The following KCTD1 variants were observed in gnomAD, a reference collection of about 807,000 sequenced individuals.
The protein encoded by KCTD1 is potassium channel tetramerization domain containing 1.
A neutral mutation model predicts 66.0 loss-of-function variants in KCTD1; 24 were observed. The ratio of observed to expected loss-of-function variants is 0.36; its 90% CI spans 0.26 to 0.51. The LOEUF (loss-of-function observed/expected upper bound fraction) is 0.51, where lower values mean the gene tolerates loss of function less well. Ranked by LOEUF, KCTD1 falls within the 20% of genes least tolerant of loss-of-function variation. The probability of loss-of-function intolerance (pLI) is 0.95; values close to 1 mark genes in which losing one functional copy is unlikely to be tolerated. For missense variants in KCTD1, 943 were observed against 1,205.2 expected (o/e 0.78, Z 3.22); for synonymous variants, 511 against 517.2 (o/e 0.99, Z 0.16).
intron 1 of KCTD1, among the ~76,000 whole-genome samples, chr18:26,615,940 G>A (rs991724434): frequency 8.6e-5 from 13 of 151,914 alleles, no homozygotes; most frequent in East Asian, 1.9e-4. Flanking sequence ...ACAGGTGTCC[G>A]CCACCACGCC....
At chr18:26,607,304 T>C (rs773211911) in intron 1 of KCTD1, among the ~76,000 whole-genome samples, 1 of 152,230 alleles carries the variant, frequency 6.6e-6, no homozygotes, top group Non-Finnish European at 1.5e-5. Context: ...TAATTGGGAT[T>C]ACAGGCATGA....
chr18:26,632,608 G>A (rs1209074006), upstream of KCTD1, among the ~76,000 whole-genome samples: 2 of 152,112 alleles, frequency 1.3e-5, no homozygotes, highest in Non-Finnish European at 2.9e-5. Flanking sequence ...ATTAGTAAGA[G>A]AATACAAGAG....
At position 26,649,918 on chromosome 18, in the gene KCTD1, T is replaced by A. The variant is rs148290125; in HGVS notation, c.9+7442A>T. On this transcript the variant is annotated intron_variant, in intron 1 of 4. Transcript: ENST00000580191. ...ACTGCCATCTGCTGGATGGAATGGG[T>A]ATCAGACCGGGTCCCGTGTTTCTTC... is the stretch of plus-strand genomic sequence containing the variant. Among the ~76,000 whole-genome samples the A allele has an allele frequency of 2.4e-3, 365 of 152,258 alleles. 1 individual carries two copies. Among genetic ancestry groups the A allele is most frequent in the African/African-American group, 8.1e-3 (337 of 41,532 alleles).
chr18:26,554,145 G>A (rs1361322385), intron 1 of KCTD1, among the ~76,000 whole-genome samples: 3 of 134,880 alleles, frequency 2.2e-5, no homozygotes, highest in African/African-American at 7.7e-5. Flanking sequence ...GAATAATCAA[G>A]GGAACAATTC....
chr18:26,572,223 C>A (rs900522482), intron 1 of KCTD1, among the ~76,000 whole-genome samples: 6 of 152,070 alleles, frequency 3.9e-5, no homozygotes, highest in Admixed American at 2.0e-4. Context: ...CCACACCCAG[C>A]TAATTTTTGT....
At chr18:26,480,263 C>T (rs1271265009) in intron 2 of KCTD1, among the ~76,000 whole-genome samples, 3 of 152,122 alleles carry the variant, frequency 2.0e-5, no homozygotes. Flanking sequence ...CAAAAGCTGT[C>T]AATTCCTGGT....
At chr18:26,639,215 C>T (rs890351876) in intron 1 of KCTD1, among the ~76,000 whole-genome samples, 1 of 152,108 alleles carries the variant, frequency 6.6e-6, no homozygotes, top group South Asian at 2.1e-4. Flanking sequence ...AGAATCTCTG[C>T]GAAGTAAGGA....
At chr18:26,617,619 A>C (rs1230736941) in intron 1 of KCTD1, among the ~76,000 whole-genome samples, 1 of 152,136 alleles carries the variant, frequency 6.6e-6, no homozygotes, top group African/African-American at 2.4e-5. Context: ...AATGCATGTA[A>C]TTTTTCAAAT....
intron 3 of KCTD1, chr18:26,460,807 T>G (rs1437459927): frequency 6.6e-6 from 1 of 152,082 alleles, no homozygotes; most frequent in Non-Finnish European, 1.5e-5. Context: ...AACACACACA[T>G]AAGCCACTGA....
intron 1 of KCTD1, among the ~76,000 whole-genome samples, chr18:26,588,316 A>AGGGAAGGGAAGGGAAGGGAAGGGAC (rs1986516504): frequency 6.8e-6 from 1 of 147,866 alleles, no homozygotes. Flanking sequence ...AGGGAAGGGA[A>AGGGAAGGGAAGGGAAGGGAAGGGAC]GGGAAGGGAA....
At position 26,532,261 on chromosome 18, in the gene KCTD1, C is replaced by CTTTTTTTTTTTTTTTTT. The variant is rs533359603; in HGVS notation, c.1809+14450_1809+14466dup. Among the ~76,000 whole-genome samples, 25 of 29,552 alleles carry CTTTTTTTTTTTTTTTTT rather than the reference C, an allele frequency of 8.5e-4. 2 individuals carry two copies. The highest frequency in any genetic ancestry group is 2.3e-3 in the Admixed American group (5 of 2,148). The allele number at this position is 29,552 out of a possible 152,430, so 19.4% of individuals were successfully genotyped here. Reference sequence around the variant, plus strand: ...CTTTTTCTTTTTCTTTTCTTTCCTTCTTTTTTTTTTTTTTTTTTTTTTTTT... The same window carrying CTTTTTTTTTTTTTTTTT: ...CTTTTTCTTTTTCTTTTCTTTCCTTCTTTTTTTTTTTTTTTTTTTTTTTTTTTTTTTTTTTTTTTTTT... On this transcript the variant is annotated intron_variant, in intron 1 of 4. Coordinates refer to ENST00000580059, the MANE Select transcript of KCTD1 (RefSeq NM_001142730.3).
chr18:26,543,707 CCT>C (rs953914533), intron 1 of KCTD1: 4 of 152,220 alleles, frequency 2.6e-5, no homozygotes, highest in African/African-American at 9.6e-5. Context: ...TAATAGATGT[CCT>C]CTCTACAGAA....
chr18:26,653,180 A>G (rs1988068293), intron 1 of KCTD1, among the ~76,000 whole-genome samples: 1 of 151,854 alleles, frequency 6.6e-6, no homozygotes, highest in Non-Finnish European at 1.5e-5. Context: ...CCCTCTCCCA[A>G]TCCTCCCCAT....
upstream of KCTD1, among the ~76,000 whole-genome samples, chr18:26,553,117 A>G (rs774993002): frequency 2.0e-5 from 3 of 151,868 alleles, no homozygotes; most frequent in Non-Finnish European, 2.9e-5. Flanking sequence ...CATCTTCCCA[A>G]GTAGCTGGGA....
intron 1 of KCTD1, among the ~76,000 whole-genome samples, chr18:26,621,095 A>T (rs1334027483): frequency 6.6e-6 from 1 of 152,302 alleles, no homozygotes; most frequent in East Asian, 1.9e-4. Flanking sequence ...CGCCTCCCAA[A>T]GTGCCGGGAT....
rs1483113663 is a variant in KCTD1 at position 26,548,393 on chromosome 18, C to T, written c.144G>A (p.Pro48=). ...CCTCCTCGCCCGCGCTGCAGTAGTG[C>T]GGACGGCTGTGGCGGCGGCCGCGGC... ...AGGRGRRHSR[P]HYCSAGEEEE... is the part of the protein sequence containing the mutation. The change falls in exon 1 of 5, where the codon CCG becomes CCA. Residue 48 remains proline (P), a synonymous_variant. Transcript: ENST00000580059. The T allele has an allele frequency of 6.9e-7, 1 of 1,451,816 alleles. No individual in the cohort carries two copies. The highest frequency in any genetic ancestry group is 1.4e-5 in the South Asian group (1 of 73,066). The allele number at this position is 1,451,816 out of a possible 1,614,324, so 89.9% of individuals were successfully genotyped here.
chr18:26,520,002 T>C (rs565897496), intron 1 of KCTD1, among the ~76,000 whole-genome samples: 1 of 152,364 alleles, frequency 6.6e-6, no homozygotes, highest in African/African-American at 2.4e-5. Context: ...CTAATTAGCA[T>C]GAATATGTCC....
intron 3 of KCTD1, among the ~76,000 whole-genome samples, chr18:26,467,182 T>C (rs531808903): frequency 5.3e-5 from 8 of 151,986 alleles, no homozygotes; most frequent in Admixed American, 4.6e-4. Flanking sequence ...CTCTACAATG[T>C]ACATGTACTT....
At chr18:26,644,090 T>C (rs1184147484), upstream of KCTD1, among the ~76,000 whole-genome samples, 1 of 152,218 alleles carries the variant, frequency 6.6e-6, no homozygotes, top group Non-Finnish European at 1.5e-5. Context: ...CTATCTGATT[T>C]GGTTCTCATC....
Sources: allele counts gnomAD v4.1 joint callset (sites outside exome capture counted in the v4.1 genomes callset), GRCh38; gene constraint gnomAD v4.1.1; transcripts MANE v1.5; gene names NCBI Gene and HGNC (gene_info 2026-07-23, HGNC 2026-07-21).